The following PFKP variants were observed in gnomAD, a reference collection of about 807,000 sequenced individuals.
The protein encoded by PFKP is phosphofructokinase, platelet.
In PFKP, 101 loss-of-function variants were observed where a neutral mutation model predicts 94.3. That is an observed-to-expected ratio of 1.07 (90% CI 0.91 to 1.26). The LOEUF (loss-of-function observed/expected upper bound fraction) is 1.26, where lower values mean the gene tolerates loss of function less well. PFKP is among the 50% of genes most tolerant of loss of function. The probability of loss-of-function intolerance (pLI) is 0.00; values close to 1 mark genes in which losing one functional copy is unlikely to be tolerated. For synonymous variants in PFKP, 573 were observed against 432.6 expected (o/e 1.32, Z -4.03); for missense variants, 1,145 against 1,103.3 (o/e 1.04, Z -0.53).
At chr10:3,099,092 A>C (rs542317761) in intron 2 of PFKP, among the ~76,000 whole-genome samples, 183 bp from the exon 3 acceptor site, 54 of 152,292 alleles carry the variant, frequency 3.5e-4, no homozygotes, top group African/African-American at 1.2e-3. Flanking sequence ...CTAGGGACTC[A>C]AGGTGAGGAC....
At chr10:3,120,931 T>C (rs1588533156) in intron 16 of PFKP, among the ~76,000 whole-genome samples, 1 of 152,248 alleles carries the variant, frequency 6.6e-6, no homozygotes, top group South Asian at 2.1e-4. Context: ...TTTTTAAAAT[T>C]TGATGTCTAA....
chr10:3,076,611 T>A (rs1832617435), intron 1 of PFKP, among the ~76,000 whole-genome samples: 1 of 152,082 alleles, frequency 6.6e-6, no homozygotes, highest in East Asian at 1.9e-4. Flanking sequence ...ATGGGCATCA[T>A]GCATTTGTTC....
intron 1 of PFKP, among the ~76,000 whole-genome samples, chr10:3,071,440 T>TG (rs201718298): frequency 0.062 from 7,980 of 129,566 alleles, 248 homozygotes; most frequent in Non-Finnish European, 0.09. Context: ...TTTTTTTTTT[T>TG]TTTTTTTTTC....
At chr10:3,076,017 CAAAA>C (rs59102828) in intron 1 of PFKP, among the ~76,000 whole-genome samples, 3 of 61,840 alleles carry the variant, frequency 4.9e-5, no homozygotes, top group African/African-American at 1.2e-4. Flanking sequence ...GACTCCGTCT[CAAAA>C]AAAAAAAAAA....
chr10:3,131,811 T>C (rs1838619695), intron 17 of PFKP, among the ~76,000 whole-genome samples: 2 of 152,166 alleles, frequency 1.3e-5, no homozygotes, highest in South Asian at 2.1e-4. Context: ...TGATTAGATG[T>C]AAAAACCTCC....
intron 1 of PFKP, among the ~76,000 whole-genome samples, chr10:3,072,479 T>G (rs1399302159): frequency 6.6e-6 from 1 of 152,104 alleles, no homozygotes; most frequent in Admixed American, 6.5e-5. Flanking sequence ...TGGGATCTTT[T>G]CAGTGTAAAG....
chr10:3,134,654 A>G (rs940942892), intron 20 of PFKP, 72 bp downstream of exon 20: 8 of 957,010 alleles, frequency 8.4e-6, no homozygotes, highest in Admixed American at 5.3e-5. Context: ...ATGCTGTCCT[A>G]TCGGGGAGAA....
chr10:3,100,944 G>T (rs1564297780), intron 3 of PFKP: 1 of 1,612,116 alleles, frequency 6.2e-7, no homozygotes, highest in African/African-American at 1.3e-5. Context: ...TGACTGGAGG[G>T]AGAAGCCTGG....
At chr10:3,072,713 A>C (rs1832290338) in intron 1 of PFKP, among the ~76,000 whole-genome samples, 1 of 152,012 alleles carries the variant, frequency 6.6e-6, no homozygotes, top group East Asian at 1.9e-4. Context: ...AAAGCTTTTG[A>C]TACAGGACTC....
intron 16 of PFKP, among the ~76,000 whole-genome samples, chr10:3,126,876 G>T (rs559338921): frequency 1.1e-3 from 165 of 152,386 alleles, no homozygotes; most frequent in African/African-American, 3.9e-3. Flanking sequence ...GGTGGCGTCT[G>T]CTGGGGGCAC....
At chr10:3,076,610 A>G (rs1370819434) in intron 1 of PFKP, among the ~76,000 whole-genome samples, 1 of 151,874 alleles carries the variant, frequency 6.6e-6, no homozygotes, top group Non-Finnish European at 1.5e-5. Context: ...CATGGGCATC[A>G]TGCATTTGTT....
In PFKP at chr10:3,112,417, C is replaced by T. The variant is rs1008472753; in HGVS notation, c.1154+131C>T. 9 of 733,212 alleles carry T rather than the reference C, an allele frequency of 1.2e-5. No individual in the cohort carries two copies. The Admixed American group carries it at 1.4e-4, about 11-fold the overall frequency. 45.4% of individuals were successfully genotyped at this position (733,212 alleles called of 1,614,324 possible). ...AAATCAGAAAGTCAGGCAGTACTCA[C>T]AGCACCGCTCTTGCAGTAGCAGGCC... On this transcript the variant is annotated intron_variant, in intron 11 of 21. Transcript: ENST00000381125.
chr10:3,119,988 G>T lies in PFKP; in HGVS notation c.1627G>T (p.Val543Leu). 6.2e-7 allele frequency: 1 copy of T among 1,614,138 alleles called. No individual in the cohort carries two copies. Among genetic ancestry groups the T allele is most frequent in the Non-Finnish European group, 8.5e-7 (1 of 1,180,006 alleles). ...GGTTCCCGCTACTGTGTCCAACAAT[G>T]TGCCGGGTTCCGATTTCAGCATCGG... is the stretch of plus-strand genomic sequence containing the variant. ...VMVPATVSNN[V>L]PGSDFSIGAD... The change falls in exon 16 of 22, where the codon GTG (valine) becomes TTG (leucine). Residue 543 changes from valine to leucine, a missense_variant. Around this residue, in one of 3 missense-constraint regions of PFKP, gnomAD observed 1,119 missense variants for 1,062.8 expected, o/e 1.05. Coordinates refer to ENST00000381125, the MANE Select transcript of PFKP (RefSeq NM_002627.5).
intron 10 of PFKP, among the ~76,000 whole-genome samples, chr10:3,110,579 C>A (rs1458916999): frequency 6.6e-6 from 1 of 152,046 alleles, no homozygotes; most frequent in Non-Finnish European, 1.5e-5. Flanking sequence ...TCTTAACACA[C>A]ACAAAGAAGT....
At position 3,129,848 on chromosome 10, in the gene PFKP, C is replaced by T. The variant is rs201543547; in HGVS notation, c.1713C>T (p.Ser571=). 120 of 1,613,598 alleles carry T rather than the reference C, an allele frequency of 7.4e-5. No individual in the cohort carries two copies. The Admixed American group carries it at 1.2e-3, about 16-fold the overall frequency. The change falls in exon 17 of 22, where the codon AGC becomes AGT. Residue 571 remains serine (S), a synonymous_variant. Coordinates refer to ENST00000381125, the MANE Select transcript of PFKP (RefSeq NM_002627.5). ...DTCDRIKQSA[S]GTKRRVFIIE... The stretch of plus-strand genomic sequence containing the variant: ...GCGACCGCATCAAGCAGTCCGCCAG[C>T]GGAACCAAGCGGCGCGTGTTCATCA...
intron 16 of PFKP, 39 bp downstream of exon 16, chr10:3,120,083 A>G (rs1173315151): frequency 1.2e-6 from 2 of 1,607,194 alleles, no homozygotes; most frequent in South Asian, 2.2e-5. Flanking sequence ...GCGCCGGCTG[A>G]CGCTAACCCC....
intron 15 of PFKP, among the ~76,000 whole-genome samples, chr10:3,119,361 T>A (rs1837154695): frequency 6.6e-6 from 1 of 152,152 alleles, no homozygotes; most frequent in South Asian, 2.1e-4. Flanking sequence ...ATCTCAGCAC[T>A]TTGGGAGGCC....
At chr10:3,122,378 C>T (rs996009636) in intron 16 of PFKP, among the ~76,000 whole-genome samples, 8 of 151,622 alleles carry the variant, frequency 5.3e-5, no homozygotes, top group East Asian at 1.9e-4. Flanking sequence ...AAGAGAAAGC[C>T]GCTGAGGGTC....
At chr10:3,134,633 C>T (rs369310385) in intron 20 of PFKP, 51 bp downstream of exon 20, 78 of 1,210,374 alleles carry the variant, frequency 6.4e-5, no homozygotes, top group Non-Finnish European at 8.0e-5. Context: ...GGCCGTCCTG[C>T]CTTGGTGAAA....
Sources: gnomAD v4.1 joint callset for allele counts (sites outside exome capture counted in the v4.1 genomes callset) on GRCh38, gnomAD v4.1.1 for gene constraint, gnomAD v4.1.1 regional missense constraint, MANE v1.5 for transcripts, NCBI Gene and HGNC (gene_info 2026-07-23, HGNC 2026-07-21) for gene names.